The following RNF212 variants were observed in gnomAD, a reference collection of about 807,000 sequenced individuals.
RNF212 encodes the protein ring finger protein 212.
RNF212 carries 33 observed loss-of-function variants against 34.7 expected under a neutral mutation model. The observed-to-expected ratio is 0.95, with a 90% CI of 0.72 to 1.27. RNF212 has a LOEUF of 1.27. Among genes scored for constraint, RNF212 ranks in the 50% most tolerant of loss-of-function variants. The probability of loss-of-function intolerance (pLI) is 0.00; values close to 1 mark genes in which losing one functional copy is unlikely to be tolerated. For synonymous variants in RNF212, 140 were observed against 136.1 expected, an observed-to-expected ratio of 1.03 and a Z score of -0.20; for missense variants, 377 against 362.2, an observed-to-expected ratio of 1.04 and a Z score of -0.33.
Position 1,090,210 on chromosome 4 carries a change from G to A in RNF212, c.303+572C>T, listed in dbSNP as rs776389649. 5.9e-5 allele frequency among the ~76,000 whole-genome samples: 9 copies of A among 151,920 alleles called. No homozygotes were observed. In the East Asian group the frequency reaches 1.6e-3, roughly 26 times the overall value. On this transcript the variant is annotated intron_variant, in intron 4 of 9. Coordinates refer to ENST00000433731, the MANE Select transcript of RNF212 (RefSeq NM_001131034.4). Reference sequence around the variant, plus strand: ...AGGACAGGGCAAGGTGACAAGACAGGGTGGGGGTGACAGGATGGAAGGGGA... The same window carrying A: ...AGGACAGGGCAAGGTGACAAGACAGAGTGGGGGTGACAGGATGGAAGGGGA...
Position 1,096,809 on chromosome 4 carries a change from T to A in RNF212, c.202A>T (p.Ser68Cys). Residue 68 changes from serine (S) to cysteine (C), a missense_variant, in exon 3 of 10, where the codon AGC (serine) becomes TGC (cysteine). By Grantham distance (112) the Ser-to-Cys change is moderately radical. Coordinates refer to ENST00000433731, the MANE Select transcript of RNF212 (RefSeq NM_001131034.4). ...TACTTCTTACACAGACTGTCTATGC[T>A]CATGAAGAATGCCTGGATATCTGCG... is the stretch of plus-strand genomic sequence containing the variant. The part of the protein sequence containing the change: ...TDADIQAFFM[S>C]IDSLCKKYSR... 6.2e-7 allele frequency: 1 copy of A among 1,613,588 alleles called. No homozygotes were observed. Among genetic ancestry groups the A allele is most frequent in the Non-Finnish European group, 8.5e-7 (1 of 1,179,462 alleles).
At chr4:1,070,048 A>G (rs11731239), downstream of RNF212, among the ~76,000 whole-genome samples, 24,934 of 94,114 alleles carry the variant, frequency 0.26, 3,273 homozygotes, top group African/African-American at 0.48. Context: ...TCGTAGGACT[A>G]TGCTGTCAGC....
chr4:1,061,097 T>C (rs1308211098), intron 3 of RNF212, among the ~76,000 whole-genome samples: 1 of 152,160 alleles, frequency 6.6e-6, no homozygotes, highest in Non-Finnish European at 1.5e-5. Context: ...ACTCCTGAAA[T>C]CCCGTTGCAG....
At chr4:1,095,810 C>T (rs559421862) in intron 3 of RNF212, among the ~76,000 whole-genome samples, 1 of 82,164 alleles carries the variant, frequency 1.2e-5, no homozygotes, top group East Asian at 3.1e-4. Context: ...GCACACCCCC[C>T]ACAGCTCCAT....
chr4:1,094,355 C>T (rs544629859), intron 3 of RNF212, among the ~76,000 whole-genome samples: 1 of 152,120 alleles, frequency 6.6e-6, no homozygotes, highest in South Asian at 2.1e-4. Context: ...AGAAGTGCCA[C>T]TCAGCATGTG....
chr4:1,068,418 T>C (rs13108425), downstream of RNF212, among the ~76,000 whole-genome samples: 1 of 152,230 alleles, frequency 6.6e-6, no homozygotes, highest in South Asian at 2.1e-4. Flanking sequence ...TTTTCAGCTG[T>C]GTTTTTAGAG....
At chr4:1,093,442 C>T in intron 3 of RNF212, 1 of 1,435,320 alleles carries the variant, frequency 7.0e-7, no homozygotes, top group South Asian at 1.5e-5. Context: ...CCTCACGTCA[C>T]ACAGCTGCGG....
intron 5 of RNF212, chr4:1,085,685 C>A (rs1242369358): frequency 1.4e-5 from 8 of 589,934 alleles, no homozygotes; most frequent in Non-Finnish European, 2.1e-5. Context: ...GGAAACCATT[C>A]ATCTCTTTTT....
chr4:1,096,833 C>T lies in RNF212; in HGVS notation c.178G>A (p.Ala60Thr), dbSNP rs777885956. The change falls in exon 3 of 10, where the codon GCA (alanine) becomes ACA (threonine). Residue 60 changes from alanine to threonine, a missense_variant. Physicochemically the swap from Ala to Thr is moderately conservative, Grantham distance 58. Coordinates refer to ENST00000433731, the MANE Select transcript of RNF212 (RefSeq NM_001131034.4). ...CTCATGAAGAATGCCTGGATATCTGCGTCGGTCTGAAAGAGAAAGAAATGA... is the reference window on the plus strand; with the variant it reads ...CTCATGAAGAATGCCTGGATATCTGTGTCGGTCTGAAAGAGAAAGAAATGA... ...RTVLLSKHTD[A>T]DIQAFFMSID... The T allele has an allele frequency of 9.3e-6, 15 of 1,610,218 alleles. No homozygotes were observed. The highest frequency in any genetic ancestry group is 1.1e-5 in the Non-Finnish European group (13 of 1,176,448).
intron 3 of RNF212, among the ~76,000 whole-genome samples, chr4:1,092,715 C>T (rs630549): frequency 0.19 from 28,188 of 152,280 alleles, 4,250 homozygotes; most frequent in African/African-American, 0.42. Flanking sequence ...ACAGAGGCTG[C>T]GCTGGGCCAG....
intron 3 of RNF212, among the ~76,000 whole-genome samples, chr4:1,064,075 A>C (rs1577614179): frequency 6.6e-6 from 1 of 152,192 alleles, no homozygotes; most frequent in Admixed American, 6.5e-5. Flanking sequence ...GCAAGAAAAA[A>C]CTGGAAATGG....
chr4:1,074,812 T>C (rs959501650), intron 8 of RNF212, among the ~76,000 whole-genome samples: 2 of 152,174 alleles, frequency 1.3e-5, no homozygotes, highest in Non-Finnish European at 2.9e-5. Context: ...AGCCTCTGCC[T>C]GCCATCCTGT....
intron 4 of RNF212, among the ~76,000 whole-genome samples, chr4:1,090,428 A>T (rs1722004348): frequency 6.6e-6 from 1 of 152,204 alleles, no homozygotes; most frequent in Admixed American, 6.5e-5. Context: ...AAAGTTTTTT[A>T]AAAAGGACTT....
Position 1,081,619 on chromosome 4 carries a change from A to C in RNF212, c.363T>G (p.Ser121Arg), listed in dbSNP as rs143046808. The change falls in exon 6 of 10, where the codon AGT becomes AGG. Residue 121 changes from serine (S) to arginine (R), a missense_variant and splice_region_variant. Ser to Arg is a moderately radical substitution (Grantham distance 110). Transcript: ENST00000433731. ...KSVLQIEQLQSMRSSQQTAFS... is the reference protein window; with the variant it reads ...KSVLQIEQLQRMRSSQQTAFS... ...AAGCTGTTTGTTGTGATGATCTCAT[A>C]CTAAATAGATGGAGAAAAGGTATTG... The C allele has an allele frequency of 1.4e-3, 2,252 of 1,601,800 alleles. 52 individuals are homozygous for C. The Admixed American group carries it at 0.036, about 26-fold the overall frequency.
intron 4 of RNF212, among the ~76,000 whole-genome samples, chr4:1,086,348 G>C (rs1328105214): frequency 3.3e-5 from 5 of 151,954 alleles, no homozygotes; most frequent in Admixed American, 2.0e-4. Context: ...CCTGTGTGTG[G>C]GAGCTGCCAG....
chr4:1,093,331 T>C, intron 3 of RNF212: 3 of 1,032,982 alleles, frequency 2.9e-6, no homozygotes, highest in Non-Finnish European at 3.9e-6. Flanking sequence ...TATTTATTAA[T>C]TCATTTAAAA....
At chr4:1,101,333 AT>A in intron 2 of RNF212, 1 of 252,154 alleles carries the variant, frequency 4.0e-6, no homozygotes. Context: ...ACTGAGCAGA[AT>A]TTTTCTCAGG....
chr4:1,112,084 T>C (rs1343586371), intron 1 of RNF212, among the ~76,000 whole-genome samples: 1 of 152,186 alleles, frequency 6.6e-6, no homozygotes, highest in Non-Finnish European at 1.5e-5. Flanking sequence ...TGCACATGCC[T>C]GTAGCCCCGC....
Position 1,113,336 on chromosome 4 carries a change from TGC to T in RNF212, c.109+18_109+19del. On this transcript the variant is annotated intron_variant, in intron 1 of 9. Transcript: ENST00000433731. ...TGCCGCTCCCCTCCCCTCTCCAGCC[TGC>T]GTTCGGGAAGCCCTGACCTTTGCCG... is the stretch of plus-strand genomic sequence containing the variant. 8.3e-7 allele frequency: 1 copy of T among 1,211,602 alleles called. No homozygotes were observed. Among genetic ancestry groups the T allele is most frequent in the Non-Finnish European group, 1.1e-6 (1 of 948,362 alleles). The allele number at this position is 1,211,602 out of a possible 1,614,324, so 75.1% of individuals were successfully genotyped here.
Sources: allele counts gnomAD v4.1 joint callset (sites outside exome capture counted in the v4.1 genomes callset), GRCh38; gene constraint gnomAD v4.1.1; transcripts MANE v1.5; gene names NCBI Gene and HGNC (gene_info 2026-07-23, HGNC 2026-07-21).